Variants in SKAP2 observed in about 807,000 individuals in gnomAD.
SKAP2 encodes src kinase-associated phosphoprotein 2.
Under a neutral mutation model 54.9 loss-of-function variants are expected in SKAP2, and 28 were observed. The observed-to-expected ratio is 0.51, with a 90% CI of 0.38 to 0.70. The LOEUF (loss-of-function observed/expected upper bound fraction) is 0.70, where lower values mean the gene tolerates loss of function less well. Ranked by LOEUF, SKAP2 falls within the 30% of genes least tolerant of loss-of-function variation. The pLI, the probability that SKAP2 is intolerant of heterozygous loss-of-function variation, is 0.00. For synonymous variants in SKAP2, 137 were observed against 134.3 expected (o/e 1.02, Z -0.14); for missense variants, 356 against 424.1 (o/e 0.84, Z 1.41).
In SKAP2 at chr7:26,741,567, TA is replaced by T. The variant is rs57709621; in HGVS notation, c.308-1604del. Among the ~76,000 whole-genome samples, 231 of 100,158 alleles carry T rather than the reference TA, an allele frequency of 2.3e-3. 1 individual carries two copies. Among genetic ancestry groups the T allele is most frequent in the African/African-American group, 7.2e-3 (225 of 31,342 alleles). 65.7% of individuals were successfully genotyped at this position (100,158 alleles called of 152,430 possible). On this transcript the variant is annotated intron_variant, in intron 4 of 12. Transcript: ENST00000345317. ...ATAAATAAATAAATAAATAAATAAA[TA>T]AATAAATAAATTAATAAAATGAAAT...
chr7:26,752,852 T>C (rs1222020950), intron 4 of SKAP2, among the ~76,000 whole-genome samples: 1 of 152,194 alleles, frequency 6.6e-6, no homozygotes, highest in Non-Finnish European at 1.5e-5. Flanking sequence ...AATTCCAGCC[T>C]GTGAAATTTT....
intron 11 of SKAP2, among the ~76,000 whole-genome samples, chr7:26,671,787 T>C (rs1196539824): frequency 6.6e-6 from 1 of 152,056 alleles, no homozygotes; most frequent in Non-Finnish European, 1.5e-5. Flanking sequence ...ATGATGGCTA[T>C]AATCTATGTA....
At chr7:26,822,975 G>T (rs1199993293) in intron 4 of SKAP2, among the ~76,000 whole-genome samples, 2 of 152,136 alleles carry the variant, frequency 1.3e-5, no homozygotes, top group Non-Finnish European at 2.9e-5. Flanking sequence ...GGTACAAAAG[G>T]TAGAAATGAT....
At chr7:26,853,725 A>C (rs1037791989) in intron 3 of SKAP2, among the ~76,000 whole-genome samples, 4 of 152,108 alleles carry the variant, frequency 2.6e-5, no homozygotes, top group African/African-American at 9.7e-5. Flanking sequence ...ACCTGTGAGC[A>C]CTCAGCCACA....
chr7:26,793,845 C>T (rs936717914), intron 4 of SKAP2, among the ~76,000 whole-genome samples: 1 of 152,160 alleles, frequency 6.6e-6, no homozygotes, highest in Admixed American at 6.5e-5. Flanking sequence ...TTTACACTTG[C>T]TAATATTGAC....
intron 4 of SKAP2, among the ~76,000 whole-genome samples, chr7:26,772,044 G>A (rs1037332623): frequency 2.0e-5 from 3 of 152,070 alleles, no homozygotes; most frequent in African/African-American, 7.2e-5. Flanking sequence ...CATGTACTAT[G>A]GGGATTATAC....
chr7:26,843,164 A>T (rs538984365), intron 4 of SKAP2, among the ~76,000 whole-genome samples: 4 of 152,166 alleles, frequency 2.6e-5, no homozygotes, highest in South Asian at 2.1e-4. Flanking sequence ...CTGTTGCAGG[A>T]AGCATATTTT....
At chr7:26,730,143 T>C (rs79366847) in intron 6 of SKAP2, among the ~76,000 whole-genome samples, 8,330 of 152,272 alleles carry the variant, frequency 0.055, 332 homozygotes, top group Non-Finnish European at 0.084. Flanking sequence ...GACATGGCTA[T>C]AAGACAACAC....
chr7:26,804,233 T>C (rs1783977495), intron 4 of SKAP2, among the ~76,000 whole-genome samples: 1 of 152,170 alleles, frequency 6.6e-6, no homozygotes, highest in Non-Finnish European at 1.5e-5. Flanking sequence ...ACCCCATAAA[T>C]GTATACATCT....
chr7:26,685,310 T>C (rs777984650), intron 10 of SKAP2, among the ~76,000 whole-genome samples: 8 of 151,816 alleles, frequency 5.3e-5, no homozygotes, highest in Non-Finnish European at 1.2e-4. Flanking sequence ...AAGGAGCTAA[T>C]GTACAAATAT....
chr7:26,754,446 A>G (rs1267488520), intron 4 of SKAP2, among the ~76,000 whole-genome samples: 1 of 151,468 alleles, frequency 6.6e-6, no homozygotes, highest in Non-Finnish European at 1.5e-5. Context: ...ACTGATATTT[A>G]CTATAAGCAA....
intron 4 of SKAP2, among the ~76,000 whole-genome samples, chr7:26,764,797 C>T (rs1303557711): frequency 6.6e-6 from 1 of 152,078 alleles, no homozygotes; most frequent in African/African-American, 2.4e-5. Flanking sequence ...GTGATCCGCC[C>T]ACCTCGGCCT....
chr7:26,819,256 T>C (rs562174966), intron 4 of SKAP2, among the ~76,000 whole-genome samples: 1 of 151,958 alleles, frequency 6.6e-6, no homozygotes. Flanking sequence ...AAAGGATGAG[T>C]TCATGTCCTT....
chr7:26,743,673 A>G (rs1471155379), intron 4 of SKAP2, among the ~76,000 whole-genome samples: 1 of 152,196 alleles, frequency 6.6e-6, no homozygotes, highest in East Asian at 1.9e-4. Context: ...TATTTCTTAT[A>G]TGATAAACCT....
chr7:26,681,531 T>C lies in SKAP2; in HGVS notation c.987+3205A>G, dbSNP rs568590588. 1.1e-4 allele frequency among the ~76,000 whole-genome samples: 17 copies of C among 152,356 alleles called. No homozygotes were observed. In the South Asian group the frequency reaches 3.5e-3, roughly 32 times the overall value. On this transcript the variant is annotated intron_variant, in intron 11 of 12. Coordinates refer to ENST00000345317, the MANE Select transcript of SKAP2 (RefSeq NM_003930.5). ...ATTTCTTGTTTTGCCTAAATGTTTA[T>C]TTATATTGAAAGTATGCATCTTTTC...
rs935411155 is a variant in SKAP2 at position 26,855,045 on chromosome 7, G to A, written c.68-155C>T. 24 of 512,946 alleles carry A rather than the reference G, an allele frequency of 4.7e-5. No homozygotes were observed. In the Admixed American group the frequency reaches 6.4e-4, roughly 14 times the overall value. 31.8% of individuals were successfully genotyped at this position (512,946 alleles called of 1,614,324 possible). A position where few individuals can be genotyped will look rare whatever the true frequency, so the allele number is the denominator to read the frequency against. Reference sequence around the variant, plus strand: ...TTCCAAAGCATAACAGTTGAAGTGTGTTTCAAATACTAAGTTGAACAAATC... The same window carrying A: ...TTCCAAAGCATAACAGTTGAAGTGTATTTCAAATACTAAGTTGAACAAATC... On this transcript the variant is annotated intron_variant, in intron 1 of 12. Coordinates refer to ENST00000345317, the MANE Select transcript of SKAP2 (RefSeq NM_003930.5).
chr7:26,846,417 CCATT>C (rs1034196822), intron 3 of SKAP2, among the ~76,000 whole-genome samples: 16 of 151,770 alleles, frequency 1.1e-4, no homozygotes, highest in African/African-American at 3.6e-4. Flanking sequence ...TTGATAACAT[CCATT>C]ATTATGTGTG....
At chr7:26,737,579 C>T (rs921688945) in intron 6 of SKAP2, among the ~76,000 whole-genome samples, 1 of 152,114 alleles carries the variant, frequency 6.6e-6, no homozygotes, top group Non-Finnish European at 1.5e-5. Context: ...TCAAATAAAA[C>T]ATAAATTTCC....
the SKAP2 span, among the ~76,000 whole-genome samples, chr7:26,661,297 G>T: frequency 1.3e-5 from 2 of 152,036 alleles, no homozygotes; most frequent in African/African-American, 4.8e-5. Context: ...GCTAATTAGA[G>T]AAAATAAAAT....
Sources: gnomAD v4.1 joint callset for allele counts (sites outside exome capture counted in the v4.1 genomes callset) on GRCh38, gnomAD v4.1.1 for gene constraint, MANE v1.5 for transcripts, NCBI Gene and HGNC (gene_info 2026-07-23, HGNC 2026-07-21) for gene names.